The following CACNA1I variants were observed in gnomAD, a reference collection of about 807,000 sequenced individuals.
The protein encoded by CACNA1I is voltage-dependent T-type calcium channel subunit alpha-1I.
CACNA1I carries 74 observed loss-of-function variants against 201.6 expected under a neutral mutation model. That is an observed-to-expected ratio of 0.37 (90% confidence interval 0.30 to 0.45). The LOEUF is 0.45. CACNA1I is among the 20% of genes least tolerant of loss of function. The probability of loss-of-function intolerance (pLI) is 1.00; values close to 1 mark genes in which losing one functional copy is unlikely to be tolerated. For synonymous variants in CACNA1I, 1,431 were observed against 1,345.2 expected, an observed-to-expected ratio of 1.06 and a Z score of -1.40; for missense variants, 2,346 against 3,138.1, an observed-to-expected ratio of 0.75 and a Z score of 6.03.
chr22:39,593,165 C>T (rs1932841938), intron 1 of CACNA1I, among the ~76,000 whole-genome samples: 1 of 152,222 alleles, frequency 6.6e-6, no homozygotes, highest in Admixed American at 6.5e-5. Flanking sequence ...GTTAGATGGG[C>T]CACAGAGGCA....
At chr22:39,578,809 C>T (rs746657924) in intron 1 of CACNA1I, among the ~76,000 whole-genome samples, 4 of 152,170 alleles carry the variant, frequency 2.6e-5, no homozygotes, top group African/African-American at 7.2e-5. Flanking sequence ...CTATTCTTCC[C>T]GTTCTTTCCC....
intron 3 of CACNA1I, among the ~76,000 whole-genome samples, chr22:39,602,918 G>A (rs1029778783): frequency 1.3e-5 from 2 of 152,040 alleles, no homozygotes; most frequent in East Asian, 1.9e-4. Context: ...GTGGGAGGCC[G>A]AGGCAAGAGG....
intron 1 of CACNA1I, among the ~76,000 whole-genome samples, chr22:39,572,183 G>A (rs1278929761): frequency 6.6e-6 from 1 of 152,148 alleles, no homozygotes; most frequent in Non-Finnish European, 1.5e-5. Flanking sequence ...AGAGATCTGT[G>A]CTCTGGAAGG....
rs377669176 is a variant in CACNA1I at position 39,677,967 on chromosome 22, G to A, written c.4934-20G>A. On this transcript the variant is annotated intron_variant, in intron 30 of 36. Transcript: ENST00000402142. This position sits in a 1 kb window ranked among gnomAD's most constrained non-coding sequence, Gnocchi z 4.8. Reference sequence around the variant, plus strand: ...AGGCACTCCGCCATCGGGCAGGGCTGACCTCCTCCCCGCTTCCAGTCTGCA... The same window carrying A: ...AGGCACTCCGCCATCGGGCAGGGCTAACCTCCTCCCCGCTTCCAGTCTGCA... 7.1e-4 allele frequency: 1,111 copies of A among 1,572,610 alleles called. 12 individuals carry two copies. The South Asian group carries it at 0.012, about 18-fold the overall frequency.
rs910666861 is a variant in CACNA1I at position 39,660,350 on chromosome 22, G to A, written c.2611G>A (p.Ala871Thr). Residue 871 changes from alanine to threonine, a missense_variant, in exon 15 of 37, where the codon GCC becomes ACC. Transcript: ENST00000402142. ...GTGACGGATGCTCTCCCAGGGTGACGCCAATCGCTCCTACTCGGACGAGGA... is the reference window on the plus strand; with the variant it reads ...GTGACGGATGCTCTCCCAGGGTGACACCAATCGCTCCTACTCGGACGAGGA... ...LVEGFQAEGD[A>T]NRSYSDEDQS... 2 of 1,611,766 alleles carry A rather than the reference G, an allele frequency of 1.2e-6. No homozygotes were observed. The highest frequency in any genetic ancestry group is 4.5e-5 in the East Asian group (2 of 44,852).
chr22:39,686,357 C>G lies in CACNA1I; in HGVS notation c.6624C>G (p.Leu2208=). Residue 2208 remains leucine (L), a synonymous_variant, in exon 37 of 37, where the codon CTC becomes CTG. Coordinates refer to ENST00000402142, the MANE Select transcript of CACNA1I (RefSeq NM_021096.4). ...LGPLAPPPQP[L]PGELEPGDAA... Reference sequence around the variant, plus strand: ...CCTTGGCGCCCCCGCCGCAACCGCTCCCCGGAGAGCTGGAGCCGGGAGACG... The same window carrying G: ...CCTTGGCGCCCCCGCCGCAACCGCTGCCCGGAGAGCTGGAGCCGGGAGACG... The G allele has an allele frequency of 7.6e-7, 1 of 1,313,488 alleles. No homozygotes were observed. Among genetic ancestry groups the G allele is most frequent in the Non-Finnish European group, 9.7e-7 (1 of 1,029,042 alleles). The allele number at this position is 1,313,488 out of a possible 1,614,324, so 81.4% of individuals were successfully genotyped here.
At chr22:39,572,551 G>A (rs1162901280) in intron 1 of CACNA1I, among the ~76,000 whole-genome samples, 1 of 152,078 alleles carries the variant, frequency 6.6e-6, no homozygotes, top group Non-Finnish European at 1.5e-5. Context: ...GCAGAACTGG[G>A]TGTTCCTTGC....
intron 5 of CACNA1I, among the ~76,000 whole-genome samples, chr22:39,637,783 G>C (rs1673063994): frequency 6.6e-6 from 1 of 152,164 alleles, no homozygotes; most frequent in Non-Finnish European, 1.5e-5. Flanking sequence ...TTTTAGCATT[G>C]TTTTTTGTGT....
At chr22:39,622,743 T>C (rs966471939) in intron 4 of CACNA1I, among the ~76,000 whole-genome samples, 1 of 119,590 alleles carries the variant, frequency 8.4e-6, no homozygotes, top group African/African-American at 3.2e-5. Context: ...CTGGGCCCAG[T>C]CCAGGTCCTC....
At chr22:39,588,240 C>G (rs192604100) in intron 1 of CACNA1I, among the ~76,000 whole-genome samples, 2 of 149,006 alleles carry the variant, frequency 1.3e-5, no homozygotes, top group Non-Finnish European at 3.0e-5. Flanking sequence ...TTAAGTGATC[C>G]TCCTGCCTCA....
In CACNA1I at chr22:39,678,061, A is replaced by C; in HGVS notation, c.5008A>C (p.Thr1670Pro). 1.9e-6 allele frequency: 3 copies of C among 1,609,874 alleles called. No individual in the cohort carries two copies. Among genetic ancestry groups the C allele is most frequent in the Non-Finnish European group, 2.5e-6 (3 of 1,178,236 alleles). Residue 1670 changes from threonine (T) to proline (P), a missense_variant, in exon 31 of 37, where the codon ACA (threonine) becomes CCA (proline). Physicochemically the swap from Thr to Pro is conservative, Grantham distance 38 (BLOSUM62 -1). Coordinates refer to ENST00000402142, the MANE Select transcript of CACNA1I (RefSeq NM_021096.4). ...TFENFGMAFLTLFQVSTGDNW... is the reference protein window; with the variant it reads ...TFENFGMAFLPLFQVSTGDNW... ...CGAGAACTTCGGCATGGCCTTCCTC[A>C]CACTCTTCCAGGTCTCCACGGGTGA... is the stretch of plus-strand genomic sequence containing the variant.
At chr22:39,620,162 C>CCCATCCATCCATCCACCCAT (rs1933696456) in intron 4 of CACNA1I, among the ~76,000 whole-genome samples, 1 of 124,150 alleles carries the variant, frequency 8.1e-6, no homozygotes, top group African/African-American at 3.2e-5. Context: ...CATCCACCCA[C>CCCATCCATCCATCCACCCAT]CCATCCATCC....
In CACNA1I at chr22:39,629,839, G is replaced by A. The variant is rs973917370; in HGVS notation, c.581-4726G>A. On this transcript the variant is annotated intron_variant, in intron 4 of 36. Coordinates refer to ENST00000402142, the MANE Select transcript of CACNA1I (RefSeq NM_021096.4). This position sits in a 1 kb window ranked among gnomAD's most constrained non-coding sequence, Gnocchi z 4.8. ...CTGCACAGGATCCTGCAGACTGTGC[G>A]GCTGATGCTCTCTCTCCTCTGCCCT... Among the ~76,000 whole-genome samples, 1 of 152,148 alleles carries A rather than the reference G, an allele frequency of 6.6e-6. No homozygotes were observed. The highest frequency in any genetic ancestry group is 1.5e-5 in the Non-Finnish European group (1 of 68,010).
chr22:39,634,665 T>C lies in CACNA1I; in HGVS notation c.681T>C (p.Gly227=), dbSNP rs2146412447. 1 of 1,613,932 alleles carries C rather than the reference T, an allele frequency of 6.2e-7. No individual in the cohort carries two copies. The highest frequency in any genetic ancestry group is 2.2e-5 in the East Asian group (1 of 44,890). Residue 227 remains glycine (G), a synonymous_variant, in exon 5 of 37, where the codon GGT becomes GGC. Coordinates refer to ENST00000402142, the MANE Select transcript of CACNA1I (RefSeq NM_021096.4). ...TCTTCTTCATCTTTGGCATCATAGG[T>C]GTGCAGCTCTGGGCGGGCCTGCTGC... The part of the protein sequence containing the change: ...FFVFFIFGII[G]VQLWAGLLRN...
intron 3 of CACNA1I, among the ~76,000 whole-genome samples, chr22:39,605,306 G>C (rs1013231059): frequency 5.9e-5 from 9 of 152,170 alleles, no homozygotes; most frequent in African/African-American, 2.2e-4. Context: ...CTCATGGCAG[G>C]TGTGTCTGAG....
At chr22:39,622,320 C>T (rs1458585039) in intron 4 of CACNA1I, among the ~76,000 whole-genome samples, 9 of 118,992 alleles carry the variant, frequency 7.6e-5, no homozygotes, top group Admixed American at 2.9e-4. Flanking sequence ...GGGAGGCCTC[C>T]GGGAGAAGGG....
At chr22:39,589,430 G>A (rs964581165) in intron 1 of CACNA1I, among the ~76,000 whole-genome samples, 6 of 152,226 alleles carry the variant, frequency 3.9e-5, no homozygotes, top group African/African-American at 1.4e-4. Context: ...TTGAATAAAC[G>A]AATGAACGAA....
chr22:39,683,514 G>A (rs779842800), intron 35 of CACNA1I, among the ~76,000 whole-genome samples: 1 of 152,200 alleles, frequency 6.6e-6, no homozygotes, highest in South Asian at 2.1e-4. Context: ...AGCCATTCCG[G>A]TGGAATGCAA....
chr22:39,596,805 T>C (rs1932904323), intron 1 of CACNA1I, among the ~76,000 whole-genome samples: 1 of 152,058 alleles, frequency 6.6e-6, no homozygotes. Context: ...AGGAGGGGCT[T>C]GCCGAAGACC....
Sources: allele counts gnomAD v4.1 joint callset (sites outside exome capture counted in the v4.1 genomes callset), GRCh38; gene constraint gnomAD v4.1.1; non-coding constraint Gnocchi (gnomAD v3.1); transcripts MANE v1.5; gene names NCBI Gene and HGNC (gene_info 2026-07-23, HGNC 2026-07-21).